Variants in LDLRAD3 observed in about 807,000 individuals in gnomAD.
LDLRAD3 encodes low-density lipoprotein receptor class A domain-containing protein 3.
LDLRAD3 carries 20 observed loss-of-function variants against 29.4 expected under a neutral mutation model. The ratio of observed to expected loss-of-function variants is 0.68; its 90% CI spans 0.48 to 0.99. The LOEUF (loss-of-function observed/expected upper bound fraction) is 0.99. LDLRAD3 is among the 50% of genes least tolerant of loss of function. The pLI, the probability that LDLRAD3 is intolerant of heterozygous loss-of-function variation, is 0.00. For missense variants in LDLRAD3, 420 were observed against 454.3 expected (o/e 0.92, Z 0.69); for synonymous variants, 157 against 192.7 (o/e 0.81, Z 1.53).
intron 4 of LDLRAD3, among the ~76,000 whole-genome samples, chr11:36,175,432 C>G (rs540013608): frequency 6.6e-6 from 1 of 152,156 alleles, no homozygotes; most frequent in African/African-American, 2.4e-5. Flanking sequence ...TCAGACTTTT[C>G]AATGTAGGTA....
chr11:36,087,404 C>G (rs1013709852), intron 3 of LDLRAD3, among the ~76,000 whole-genome samples: 1 of 152,114 alleles, frequency 6.6e-6, no homozygotes, highest in East Asian at 1.9e-4. Flanking sequence ...TATGTGCTAT[C>G]TGGGATGCAC....
chr11:35,956,713 A>G (rs1448227222), intron 1 of LDLRAD3, among the ~76,000 whole-genome samples: 1 of 152,162 alleles, frequency 6.6e-6, no homozygotes, highest in Non-Finnish European at 1.5e-5. Context: ...AATGCATGCA[A>G]AACACTTAAC....
intron 4 of LDLRAD3, among the ~76,000 whole-genome samples, chr11:36,134,616 C>G (rs928403975): frequency 1.3e-5 from 2 of 152,222 alleles, no homozygotes; most frequent in African/African-American, 4.8e-5. Context: ...ATGGAGAAGG[C>G]AGCAGTGTAG....
At chr11:36,219,608 T>C (rs919495337) in intron 4 of LDLRAD3, among the ~76,000 whole-genome samples, 8 of 152,174 alleles carry the variant, frequency 5.3e-5, no homozygotes, top group African/African-American at 1.9e-4. Flanking sequence ...AATGGGGAGA[T>C]GAAAAGAACC....
At chr11:36,150,378 AT>A (rs1327834331) in intron 4 of LDLRAD3, among the ~76,000 whole-genome samples, 1 of 152,070 alleles carries the variant, frequency 6.6e-6, no homozygotes, top group Admixed American at 6.6e-5. Context: ...AAAATTAAAA[AT>A]TAGCCAGGCG....
At chr11:36,162,869 G>C (rs1376410237) in intron 4 of LDLRAD3, among the ~76,000 whole-genome samples, 1 of 152,172 alleles carries the variant, frequency 6.6e-6, no homozygotes, top group Non-Finnish European at 1.5e-5. Flanking sequence ...CTCCCTTTCT[G>C]GAATATTTCA....
At chr11:36,146,981 G>C (rs1484380066) in intron 4 of LDLRAD3, among the ~76,000 whole-genome samples, 1 of 151,424 alleles carries the variant, frequency 6.6e-6, no homozygotes, top group East Asian at 1.9e-4. Flanking sequence ...GTAGAGACAG[G>C]GTTTCACCGT....
intron 4 of LDLRAD3, among the ~76,000 whole-genome samples, chr11:36,129,750 A>G (rs370804229): frequency 1.3e-5 from 2 of 152,234 alleles, no homozygotes; most frequent in African/African-American, 4.8e-5. Context: ...CCTGCCTGGA[A>G]TGTTCACCAC....
chr11:35,994,328 C>T (rs1452802104), intron 1 of LDLRAD3, among the ~76,000 whole-genome samples: 1 of 91,420 alleles, frequency 1.1e-5, no homozygotes, highest in Non-Finnish European at 1.9e-5. Flanking sequence ...CAGAGAGAGA[C>T]TTTGTCTCAA....
chr11:36,055,990 CTT>C (rs67731567), intron 2 of LDLRAD3, among the ~76,000 whole-genome samples: 41 of 95,366 alleles, frequency 4.3e-4, no homozygotes, highest in South Asian at 9.7e-4. Context: ...ACAGCTTGCC[CTT>C]TTTTTTTTTT....
chr11:36,202,221 T>A (rs765611619), intron 4 of LDLRAD3, among the ~76,000 whole-genome samples: 1 of 152,096 alleles, frequency 6.6e-6, no homozygotes, highest in Non-Finnish European at 1.5e-5. Context: ...TTTGTATTTT[T>A]AGTAGAGAAG....
chr11:36,212,377 C>T (rs1855294172), intron 4 of LDLRAD3, among the ~76,000 whole-genome samples: 1 of 152,128 alleles, frequency 6.6e-6, no homozygotes, highest in Non-Finnish European at 1.5e-5. Context: ...CTCATTTTCA[C>T]TGCATTCTTC....
intron 4 of LDLRAD3, among the ~76,000 whole-genome samples, chr11:36,131,175 C>T (rs1565245183): frequency 1.3e-5 from 2 of 152,220 alleles, no homozygotes; most frequent in African/African-American, 2.4e-5. Context: ...GAGAGGCTTT[C>T]CCTGTTCTCC....
At chr11:36,171,352 G>T (rs1036106389) in intron 4 of LDLRAD3, among the ~76,000 whole-genome samples, 1 of 152,100 alleles carries the variant, frequency 6.6e-6, no homozygotes, top group African/African-American at 2.4e-5. Context: ...TGGGTTCTTG[G>T]TCATGAAGTC....
intron 2 of LDLRAD3, among the ~76,000 whole-genome samples, chr11:36,071,089 G>A (rs534059335): frequency 6.6e-6 from 1 of 152,266 alleles, no homozygotes. Flanking sequence ...CCCCTACTTT[G>A]CAGAATAATG....
At chr11:36,219,488 G>A (rs1425044620) in intron 4 of LDLRAD3, among the ~76,000 whole-genome samples, 1 of 152,160 alleles carries the variant, frequency 6.6e-6, no homozygotes, top group East Asian at 1.9e-4. Flanking sequence ...GATAGTCTAA[G>A]AATAGACTCA....
chr11:35,967,698 C>A, intron 1 of LDLRAD3: 1 of 473,282 alleles, frequency 2.1e-6, no homozygotes, highest in South Asian at 1.6e-5. Context: ...TCCGGGTGCA[C>A]CATGCCAGAG....
intron 4 of LDLRAD3, among the ~76,000 whole-genome samples, chr11:36,148,595 G>A (rs368828867): frequency 5.3e-5 from 8 of 152,146 alleles, no homozygotes; most frequent in African/African-American, 1.4e-4. Context: ...AGGTTTGGGT[G>A]GGAATCTGAG....
chr11:36,119,354 G>A (rs1371964456), intron 4 of LDLRAD3, among the ~76,000 whole-genome samples: 1 of 152,070 alleles, frequency 6.6e-6, no homozygotes, highest in African/African-American at 2.4e-5. Context: ...TGGGTTATGT[G>A]GGAACTCTGT....
Sources: allele counts gnomAD v4.1 joint callset (sites outside exome capture counted in the v4.1 genomes callset), GRCh38; gene constraint gnomAD v4.1.1; transcripts MANE v1.5; gene names NCBI Gene and HGNC (gene_info 2026-07-23, HGNC 2026-07-21).